The following MIA2 variants were observed in gnomAD, a reference collection of about 807,000 sequenced individuals.
MIA2 encodes MIA SH3 domain ER export factor 2.
A neutral mutation model predicts 167.8 loss-of-function variants in MIA2; 127 were observed. That is an observed-to-expected ratio of 0.76 (90% CI 0.66 to 0.88). The LOEUF (loss-of-function observed/expected upper bound fraction) is 0.88, where lower values mean the gene tolerates loss of function less well. Ranked by LOEUF, MIA2 falls within the 40% of genes least tolerant of loss-of-function variation. MIA2 has a pLI of 0.00. For missense variants in MIA2, 1,690 were observed against 1,624.7 expected, an observed-to-expected ratio of 1.04 and a Z score of -0.69; for synonymous variants, 552 against 541.9, an observed-to-expected ratio of 1.02 and a Z score of -0.26.
intron 7 of MIA2, 42 bp downstream of exon 7, chr14:39,277,107 A>G: frequency 1.3e-6 from 2 of 1,565,234 alleles, no homozygotes; most frequent in Non-Finnish European, 1.7e-6. Context: ...TCATTTTGTC[A>G]CTGGGCTGAA....
chr14:39,258,599 T>C (rs1282244579), intron 6 of MIA2, among the ~76,000 whole-genome samples: 3 of 152,208 alleles, frequency 2.0e-5, no homozygotes. Flanking sequence ...TTCATCAATC[T>C]CATTCTCTGT....
chr14:39,266,739 C>T (rs1202400533), intron 6 of MIA2: 1 of 985,086 alleles, frequency 1.0e-6, no homozygotes, highest in East Asian at 1.1e-4. Context: ...CGGGGTACGC[C>T]GCCGTCAGGA....
rs1800536397 is a variant in MIA2 at position 39,334,318 on chromosome 14, T to C, written c.3655+7296T>C. On this transcript the variant is annotated intron_variant, in intron 25 of 28. Coordinates refer to ENST00000640607, the MANE Select transcript of MIA2 (RefSeq NM_001329214.4). ...GGCAAAACCCTGTTCCTACAAAAAA[T>C]ACAAAAATTAGCTGGGTGTGGTGGC... is the stretch of plus-strand genomic sequence containing the variant. Among the ~76,000 whole-genome samples the C allele has an allele frequency of 4.6e-5, 7 of 151,784 alleles. No homozygotes were observed. In the South Asian group the frequency reaches 1.5e-3, roughly 32 times the overall value.
chr14:39,313,867 T>C (rs1442516444), intron 19 of MIA2, among the ~76,000 whole-genome samples: 4 of 152,180 alleles, frequency 2.6e-5, no homozygotes, highest in Non-Finnish European at 4.4e-5. Context: ...TAAAAGACTA[T>C]AAATCTAGAT....
chr14:39,266,609 T>G (rs1448389237), intron 6 of MIA2: 3 of 985,344 alleles, frequency 3.0e-6, no homozygotes, highest in Admixed American at 1.2e-4. Flanking sequence ...CGGGACGCCT[T>G]CCTGTCTAAA....
At chr14:39,266,602 G>C in intron 6 of MIA2, 1 of 985,528 alleles carries the variant, frequency 1.0e-6, no homozygotes. Flanking sequence ...GCTGAGCCGG[G>C]ACGCCTTCCT....
chr14:39,240,778 A>T, intron 3 of MIA2, 131 bp downstream of exon 3: 2 of 572,494 alleles, frequency 3.5e-6, no homozygotes, highest in Non-Finnish European at 6.1e-6. Context: ...CTGAGAACTT[A>T]CTCTAGGAAT....
chr14:39,373,306 CAAAA>C (rs34602556), intron 23 of MIA2, among the ~76,000 whole-genome samples: 10 of 110,940 alleles, frequency 9.0e-5, no homozygotes, highest in Non-Finnish European at 1.3e-4. Flanking sequence ...AATTCTTGGC[CAAAA>C]AAAAAAAAAA....
rs1229262329 is a variant in MIA2, at chr14:39,234,236, T to G, written c.115+7T>G. The G allele has an allele frequency of 6.4e-7, 1 of 1,571,648 alleles. No individual in the cohort carries two copies. On this transcript the variant is annotated splice_region_variant and intron_variant, in intron 1 of 28. Transcript: ENST00000640607. ...GGTGACTTGGAATGTGAAGGTAAGTTTGCTTCCCCCGCTTCTTCTCCTCCT... is the reference window on the plus strand; with the variant it reads ...GGTGACTTGGAATGTGAAGGTAAGTGTGCTTCCCCCGCTTCTTCTCCTCCT...
downstream of MIA2, among the ~76,000 whole-genome samples, chr14:39,355,580 G>A (rs8023178): frequency 1.3e-5 from 2 of 151,548 alleles, no homozygotes; most frequent in Non-Finnish European, 2.9e-5. Flanking sequence ...CCGGAACTTC[G>A]AACACTGTGT....
At chr14:39,383,471 C>CAGATACAGA (rs2075209641) in intron 23 of MIA2, among the ~76,000 whole-genome samples, 1 of 152,196 alleles carries the variant, frequency 6.6e-6, no homozygotes, top group Non-Finnish European at 1.5e-5. Flanking sequence ...AGCCTCCCTA[C>CAGATACAGA]TTCCTAAGAT....
At chr14:39,245,594 A>C (rs1287691108) in intron 3 of MIA2, among the ~76,000 whole-genome samples, 2 of 152,188 alleles carry the variant, frequency 1.3e-5, no homozygotes, top group African/African-American at 4.8e-5. Flanking sequence ...AGAATACCAG[A>C]GACTGGATAC....
chr14:39,346,757 GTGTGC>G lies in MIA2; in HGVS notation c.3778+732_3778+736del, dbSNP rs1429596464. The G allele has an allele frequency of 5.0e-5, 8 of 158,814 alleles. No homozygotes were observed. In the South Asian group the frequency reaches 6.5e-4, roughly 13 times the overall value. 9.8% of individuals were successfully genotyped at this position (158,814 alleles called of 1,614,324 possible). On this transcript the variant is annotated intron_variant, in intron 26 of 28. Coordinates refer to ENST00000640607, the MANE Select transcript of MIA2 (RefSeq NM_001329214.4). ...CTATATAATATAGCTGGGACTACAG[GTGTGC>G]ACCACCACACATGGCTAATTTTTTG...
chr14:39,361,087 G>C (rs1375345983), intron 23 of MIA2, among the ~76,000 whole-genome samples: 2 of 152,086 alleles, frequency 1.3e-5, no homozygotes, highest in African/African-American at 4.8e-5. Flanking sequence ...ATAATGTGAT[G>C]CCCCCACCTT....
At chr14:39,268,751 T>C (rs531217559) in intron 6 of MIA2, among the ~76,000 whole-genome samples, 2 of 152,242 alleles carry the variant, frequency 1.3e-5, no homozygotes, top group East Asian at 3.9e-4. Flanking sequence ...GAGGTGACAG[T>C]AGTAAGGATA....
downstream of MIA2, among the ~76,000 whole-genome samples, chr14:39,351,586 T>C (rs1237440806): frequency 6.6e-6 from 1 of 152,128 alleles, no homozygotes; most frequent in African/African-American, 2.4e-5. Flanking sequence ...GATTAAGTTA[T>C]GGGGGTGGAG....
chr14:39,350,845 A>C (rs1595922538), downstream of MIA2: 1 of 152,302 alleles, frequency 6.6e-6, no homozygotes, highest in East Asian at 1.9e-4. Flanking sequence ...AAATTAATAC[A>C]CTTTTAAAAG....
Position 39,314,631 on chromosome 14 carries a change from A to G in MIA2, c.3120-108A>G, listed in dbSNP as rs558982430. 759 of 174,188 alleles carry G rather than the reference A, an allele frequency of 4.4e-3. 3 individuals carry two copies. Among genetic ancestry groups the G allele is most frequent in the Admixed American group, 5.7e-3 (48 of 8,470 alleles). The allele number at this position is 174,188 out of a possible 1,614,324, so 10.8% of individuals were successfully genotyped here. On this transcript the variant is annotated intron_variant, in intron 19 of 28. Coordinates refer to ENST00000640607, the MANE Select transcript of MIA2 (RefSeq NM_001329214.4). ...TGGAGTTTTTTTTTTTTTTTTTTTC[A>G]TGAAGTAGAGCATTCTGGGTTTTCT...
chr14:39,312,612 G>T (rs1259265080), intron 18 of MIA2, among the ~76,000 whole-genome samples: 1 of 152,100 alleles, frequency 6.6e-6, no homozygotes, highest in African/African-American at 2.4e-5. Context: ...AAACAACATG[G>T]GTATTATAGC....
Sources: gnomAD v4.1 joint callset for allele counts (sites outside exome capture counted in the v4.1 genomes callset) on GRCh38, gnomAD v4.1.1 for gene constraint, MANE v1.5 for transcripts, NCBI Gene and HGNC (gene_info 2026-07-23, HGNC 2026-07-21) for gene names.